KIF13A: variants seen among roughly 807,000 people sequenced by gnomAD.
KIF13A encodes kinesin family member 13A.
KIF13A carries 79 observed loss-of-function variants against 212.2 expected under a neutral mutation model. That is an observed-to-expected ratio of 0.37 (90% CI 0.31 to 0.45). KIF13A has a LOEUF of 0.45. Among genes scored for constraint, KIF13A ranks in the 20% least tolerant of loss-of-function variants. The pLI, the probability that KIF13A is intolerant of heterozygous loss-of-function variation, is 1.00. For missense variants in KIF13A, 1,901 were observed against 2,209.0 expected (o/e 0.86, Z 2.79); for synonymous variants, 789 against 808.6 (o/e 0.98, Z 0.41).
rs1447517054 is a variant in KIF13A, at chr6:17,783,308, G to T, written c.3544+338C>A. The stretch of plus-strand genomic sequence containing the variant: ...CTGCCATCAAAACTATTTGAGGAGA[G>T]TTAAGGGCACTAGTCAGAGATGCAG... On this transcript the variant is annotated intron_variant, in intron 29 of 38. Coordinates refer to ENST00000259711, the MANE Select transcript of KIF13A (RefSeq NM_022113.6). The surrounding 1 kb of genome is among the most constrained non-coding windows in gnomAD (Gnocchi z 4.3). Among the ~76,000 whole-genome samples, 1 of 152,212 alleles carries T rather than the reference G, an allele frequency of 6.6e-6. No individual in the cohort carries two copies.
In KIF13A at chr6:17,926,168, T is replaced by C. The variant is rs761982403; in HGVS notation, c.147-27988A>G. Among the ~76,000 whole-genome samples the C allele has an allele frequency of 1.4e-4, 21 of 152,348 alleles. No individual in the cohort carries two copies. Among genetic ancestry groups the C allele is most frequent in the Non-Finnish European group, 2.4e-4 (16 of 68,036 alleles). On this transcript the variant is annotated intron_variant, in intron 2 of 38. Transcript: ENST00000259711. This position sits in a 1 kb window ranked among gnomAD's most constrained non-coding sequence, Gnocchi z 4.3. Reference sequence around the variant, plus strand: ...GCATTGCTTATCTTGTATTAATATATAGAGTGACCAACATTCAGTTCTTGT... The same window carrying C: ...GCATTGCTTATCTTGTATTAATATACAGAGTGACCAACATTCAGTTCTTGT...
Position 17,855,946 on chromosome 6 carries a change from G to T in KIF13A, c.313+84C>A. 1.1e-6 allele frequency: 1 copy of T among 942,708 alleles called. No homozygotes were observed. The allele number at this position is 942,708 out of a possible 1,614,324, so 58.4% of individuals were successfully genotyped here. ...GGCTGGTCTCAAACTCCTGGGCTCA[G>T]GAGATCCTCCCACCCCAGCCTCACC... On this transcript the variant is annotated intron_variant, in intron 5 of 38. Coordinates refer to ENST00000259711, the MANE Select transcript of KIF13A (RefSeq NM_022113.6). This position sits in a 1 kb window ranked among gnomAD's most constrained non-coding sequence, Gnocchi z 4.1.
chr6:17,788,879 C>T (rs554169745), intron 26 of KIF13A, among the ~76,000 whole-genome samples: 74 of 152,178 alleles, frequency 4.9e-4, no homozygotes, highest in African/African-American at 1.7e-3. Context: ...CGCGCGCCAC[C>T]ACGCCCAGCT....
chr6:17,952,370 T>C (rs1013545748), intron 2 of KIF13A, among the ~76,000 whole-genome samples: 2 of 150,888 alleles, frequency 1.3e-5, no homozygotes, highest in Non-Finnish European at 2.9e-5. Context: ...TGGTGGCTCA[T>C]GCCTGTAAAC....
chr6:17,774,539 C>T (rs536669354), intron 35 of KIF13A, among the ~76,000 whole-genome samples: 2 of 152,176 alleles, frequency 1.3e-5, no homozygotes, highest in East Asian at 1.9e-4. Flanking sequence ...TTTGGGAGGC[C>T]GAGGCGGATC....
At chr6:17,873,487 G>C (rs1389792151) in intron 3 of KIF13A, 50 bp from the exon 4 acceptor site, 1 of 1,248,350 alleles carries the variant, frequency 8.0e-7, no homozygotes, top group East Asian at 2.5e-5. Context: ...AACTTCTTAT[G>C]AGTAAATCAG....
In KIF13A at chr6:17,928,628, C is replaced by T. The variant is rs1581758652; in HGVS notation, c.147-30448G>A. On this transcript the variant is annotated intron_variant, in intron 2 of 38. Coordinates refer to ENST00000259711, the MANE Select transcript of KIF13A (RefSeq NM_022113.6). ...GCAGTCAAATGCCTCACTATAAATA[C>T]CTTCTCTTTGCTGCTCTGTATCATG... is the stretch of plus-strand genomic sequence containing the variant. Among the ~76,000 whole-genome samples the T allele has an allele frequency of 5.3e-5, 8 of 152,280 alleles. No individual in the cohort carries two copies. The East Asian group carries it at 1.5e-3, about 29-fold the overall frequency.
chr6:17,823,468 TCTTTC>T (rs1161152428), intron 16 of KIF13A, among the ~76,000 whole-genome samples: 2 of 130,468 alleles, frequency 1.5e-5, no homozygotes, highest in Non-Finnish European at 3.5e-5. Flanking sequence ...TTCCTTCCTT[TCTTTC>T]CTTTCTTTTT....
At chr6:17,958,412 G>A (rs1201518238) in intron 2 of KIF13A, among the ~76,000 whole-genome samples, 1 of 152,170 alleles carries the variant, frequency 6.6e-6, no homozygotes, top group Non-Finnish European at 1.5e-5. Context: ...GCACACATCT[G>A]ACTATATCTA....
chr6:17,840,668 G>T (rs1766421847), intron 9 of KIF13A, among the ~76,000 whole-genome samples: 1 of 151,718 alleles, frequency 6.6e-6, no homozygotes, highest in South Asian at 2.1e-4. Flanking sequence ...AGTGTAAGGG[G>T]GAAACACAGA....
Position 17,888,170 on chromosome 6 carries a change from C to T in KIF13A, c.159+9998G>A, listed in dbSNP as rs1421863586. 6.6e-6 allele frequency among the ~76,000 whole-genome samples: 1 copy of T among 152,116 alleles called. No homozygotes were observed. The highest frequency in any genetic ancestry group is 1.5e-5 in the Non-Finnish European group (1 of 68,032). ...TGATGTTACCATAATCTATTTTCCACTACTTAGATTATAGTATATCTAATC... is the reference window on the plus strand; with the variant it reads ...TGATGTTACCATAATCTATTTTCCATTACTTAGATTATAGTATATCTAATC... On this transcript the variant is annotated intron_variant, in intron 3 of 38. Coordinates refer to ENST00000259711, the MANE Select transcript of KIF13A (RefSeq NM_022113.6). The surrounding 1 kb of genome is among the most constrained non-coding windows in gnomAD (Gnocchi z 4.8).
chr6:17,982,068 T>G lies in KIF13A; in HGVS notation c.146+4986A>C, dbSNP rs151104789. Among the ~76,000 whole-genome samples, 1,396 of 152,076 alleles carry G rather than the reference T, an allele frequency of 9.2e-3. 88 individuals carry two copies. Among genetic ancestry groups the G allele is most frequent in the Admixed American group, 0.083 (1,263 of 15,262 alleles). Reference sequence around the variant, plus strand: ...TTTTGAATTTTTCTTGAATTTGGAATATATGCATTATATACTTACCAACTG... The same window carrying G: ...TTTTGAATTTTTCTTGAATTTGGAAGATATGCATTATATACTTACCAACTG... On this transcript the variant is annotated intron_variant, in intron 2 of 38. Coordinates refer to ENST00000259711, the MANE Select transcript of KIF13A (RefSeq NM_022113.6). This position sits in a 1 kb window ranked among gnomAD's most constrained non-coding sequence, Gnocchi z 5.1.
At chr6:17,986,029 G>A (rs1483188981) in intron 2 of KIF13A, among the ~76,000 whole-genome samples, 1 of 152,170 alleles carries the variant, frequency 6.6e-6, no homozygotes, top group Non-Finnish European at 1.5e-5. Flanking sequence ...ATAGAATGGA[G>A]GCATTGCTTC....
rs934208922 is a variant in KIF13A, at chr6:17,776,554, C to T, written c.4170+723G>A. Among the ~76,000 whole-genome samples, 4 of 152,190 alleles carry T rather than the reference C, an allele frequency of 2.6e-5. No homozygotes were observed. Among genetic ancestry groups the T allele is most frequent in the African/African-American group, 9.7e-5 (4 of 41,442 alleles). On this transcript the variant is annotated intron_variant, in intron 34 of 38. Coordinates refer to ENST00000259711, the MANE Select transcript of KIF13A (RefSeq NM_022113.6). This position sits in a 1 kb window ranked among gnomAD's most constrained non-coding sequence, Gnocchi z 4.6. The stretch of plus-strand genomic sequence containing the variant: ...GAAGTAATCTGTGTGATAATAATTA[C>T]TGGGATTTGCTCTGTAGCCCACTGT...
chr6:17,860,032 G>A (rs967377649), intron 4 of KIF13A, among the ~76,000 whole-genome samples: 3 of 152,064 alleles, frequency 2.0e-5, no homozygotes, highest in Non-Finnish European at 4.4e-5. Flanking sequence ...TCAGTGAATG[G>A]CAGGGTTTGG....
At chr6:17,959,922 T>C (rs1403099202) in intron 2 of KIF13A, among the ~76,000 whole-genome samples, 1 of 151,490 alleles carries the variant, frequency 6.6e-6, no homozygotes, top group African/African-American at 2.4e-5. Flanking sequence ...ACTTGGGAGC[T>C]GAGGCAGGAG....
Position 17,831,282 on chromosome 6 carries a change from A to G in KIF13A, c.1267-47T>C, listed in dbSNP as rs779965480. 11 of 1,587,804 alleles carry G rather than the reference A, an allele frequency of 6.9e-6. No individual in the cohort carries two copies. In the East Asian group the frequency reaches 1.3e-4, roughly 19 times the overall value. On this transcript the variant is annotated intron_variant, in intron 12 of 38. Coordinates refer to ENST00000259711, the MANE Select transcript of KIF13A (RefSeq NM_022113.6). ...AGAAGGAAACTCTGTTTGTTGTTCT[A>G]TTCACAAGATGTATCCACGGAAAGA...
intron 4 of KIF13A, among the ~76,000 whole-genome samples, chr6:17,858,397 T>C (rs1270707233): frequency 1.3e-5 from 2 of 152,212 alleles, no homozygotes. Flanking sequence ...CAGAGAAGAA[T>C]AAGGTATAAT....
intron 2 of KIF13A, among the ~76,000 whole-genome samples, chr6:17,964,698 A>T (rs1779140759): frequency 6.6e-6 from 1 of 152,206 alleles, no homozygotes; most frequent in Non-Finnish European, 1.5e-5. Flanking sequence ...AGACAATTGG[A>T]CAAAAATGAT....
Sources: gnomAD v4.1 joint callset for allele counts (sites outside exome capture counted in the v4.1 genomes callset) on GRCh38, gnomAD v4.1.1 for gene constraint, Gnocchi (gnomAD v3.1) non-coding constraint, MANE v1.5 for transcripts, NCBI Gene and HGNC (gene_info 2026-07-23, HGNC 2026-07-21) for gene names.